The following MYOM1 variants were observed in gnomAD, a reference collection of about 807,000 sequenced individuals.
The protein encoded by MYOM1 is myomesin-1.
Under a neutral mutation model 205.3 loss-of-function variants are expected in MYOM1, and 164 were observed. That is an observed-to-expected ratio of 0.80 (90% CI 0.70 to 0.91). MYOM1 has a LOEUF of 0.91. Ranked by LOEUF, MYOM1 falls within the 40% of genes least tolerant of loss-of-function variation. MYOM1 has a pLI of 0.00. For synonymous variants in MYOM1, 772 were observed against 789.4 expected (o/e 0.98, Z 0.37); for missense variants, 2,011 against 2,127.3 (o/e 0.95, Z 1.08).
At chr18:3,081,246 G>C (rs2079083059) in intron 33 of MYOM1, among the ~76,000 whole-genome samples, 1 of 152,122 alleles carries the variant, frequency 6.6e-6, no homozygotes, top group Non-Finnish European at 1.5e-5. Context: ...CCTTACATCT[G>C]TAATGTGCTT....
chr18:3,208,724 T>C (rs2081156365), intron 2 of MYOM1, among the ~76,000 whole-genome samples: 1 of 152,128 alleles, frequency 6.6e-6, no homozygotes, highest in African/African-American at 2.4e-5. Context: ...TTTTTTCTTA[T>C]ATATAATAAT....
chr18:3,133,027 T>C (rs573801662), intron 16 of MYOM1, among the ~76,000 whole-genome samples: 2 of 152,198 alleles, frequency 1.3e-5, no homozygotes, highest in South Asian at 2.1e-4. Flanking sequence ...CAAAGATTTA[T>C]TGGGGTCTCG....
chr18:3,068,502 C>T (rs1035252777), intron 37 of MYOM1, among the ~76,000 whole-genome samples: 2 of 152,034 alleles, frequency 1.3e-5, no homozygotes, highest in Non-Finnish European at 2.9e-5. Context: ...GAACCCCTTG[C>T]GTTGTCCTTT....
At chr18:3,136,406 T>TAATTA (rs1395815308) in intron 14 of MYOM1, among the ~76,000 whole-genome samples, 2 of 152,106 alleles carry the variant, frequency 1.3e-5, no homozygotes, top group African/African-American at 2.4e-5. Context: ...TTTCTAATTT[T>TAATTA]AATTAAATTA....
At chr18:3,117,763 T>A (rs1441179326) in intron 20 of MYOM1, among the ~76,000 whole-genome samples, 1 of 152,198 alleles carries the variant, frequency 6.6e-6, no homozygotes, top group Non-Finnish European at 1.5e-5. Context: ...ACATACTCTG[T>A]TATGCCATGC....
At chr18:3,113,286 A>G (rs146536595) in intron 21 of MYOM1, among the ~76,000 whole-genome samples, 3,578 of 131,694 alleles carry the variant, frequency 0.027, 161 homozygotes, top group African/African-American at 0.096. Flanking sequence ...ATATGTGTGT[A>G]TGTGTTTGTG....
At chr18:3,167,584 C>T (rs890820669) in intron 9 of MYOM1, among the ~76,000 whole-genome samples, 6 of 152,138 alleles carry the variant, frequency 3.9e-5, no homozygotes, top group Non-Finnish European at 2.9e-5. Context: ...AGGGTTTCAC[C>T]ATGTTGGCCA....
At position 3,103,794 on chromosome 18, in the gene MYOM1, T is replaced by C. The variant is rs983394310; in HGVS notation, c.3419-1164A>G. On this transcript the variant is annotated intron_variant, in intron 22 of 37. Coordinates refer to ENST00000356443, the MANE Select transcript of MYOM1 (RefSeq NM_003803.4). Reference sequence around the variant, plus strand: ...CAAGGGAAGGCCAAGAGGAAACCAGTGCCCAAATTGTGCCTGGCAGGATGA... The same window carrying C: ...CAAGGGAAGGCCAAGAGGAAACCAGCGCCCAAATTGTGCCTGGCAGGATGA... Among the ~76,000 whole-genome samples, 20 of 152,366 alleles carry C rather than the reference T, an allele frequency of 1.3e-4. 1 individual carries two copies. In the Middle Eastern group the frequency reaches 0.01, roughly 78 times the overall value.
rs79313698 is a variant in MYOM1, at chr18:3,179,084, G to T, written c.930-2950C>A. On this transcript the variant is annotated intron_variant, in intron 5 of 37. Transcript: ENST00000356443. The surrounding 1 kb of genome is among the most constrained non-coding windows in gnomAD (Gnocchi z 4.4). ...GGCTCTTGCTATGTTGCCTATGCTG[G>T]TCTTAAACTCCTGGGCTCAAGCAAT... Among the ~76,000 whole-genome samples, 1,861 of 151,990 alleles carry T rather than the reference G, an allele frequency of 0.012. 35 individuals are homozygous for T. Among genetic ancestry groups the T allele is most frequent in the African/African-American group, 0.043 (1,786 of 41,426 alleles).
rs138868717 is a variant in MYOM1 at position 3,191,342 on chromosome 18, C to T, written c.432-2255G>A. 1.3e-4 allele frequency among the ~76,000 whole-genome samples: 20 copies of T among 152,288 alleles called. No individual in the cohort carries two copies. The East Asian group carries it at 3.1e-3, about 23-fold the overall frequency. Reference sequence around the variant, plus strand: ...GTGCAGAGGGCATGTCCACTGCATTCGCCAGGCCTACGTGGGACTTTCAAT... The same window carrying T: ...GTGCAGAGGGCATGTCCACTGCATTTGCCAGGCCTACGTGGGACTTTCAAT... On this transcript the variant is annotated intron_variant, in intron 3 of 37. Coordinates refer to ENST00000356443, the MANE Select transcript of MYOM1 (RefSeq NM_003803.4).
At chr18:3,131,337 C>T (rs760019029) in intron 17 of MYOM1, 38 bp downstream of exon 17, 1 of 1,605,460 alleles carries the variant, frequency 6.2e-7, no homozygotes, top group South Asian at 1.1e-5. Context: ...ATAGAAAAAT[C>T]CATTTTTCCC....
chr18:3,129,509 C>T lies in MYOM1; in HGVS notation c.2517G>A (p.Val839=). ...TCAGTGCGGGACACACATCTGGAGACACTCCTCCCCCTACAGTTGCCAGAC... is the reference window on the plus strand; with the variant it reads ...TCAGTGCGGGACACACATCTGGAGATACTCCTCCCCCTACAGTTGCCAGAC... ...IEVKAAIGGG[V]SPDVCPALSD... is the part of the protein sequence containing the mutation. The change falls in exon 18 of 38, where the codon GTG becomes GTA. Residue 839 remains valine (V), a synonymous_variant. Coordinates refer to ENST00000356443, the MANE Select transcript of MYOM1 (RefSeq NM_003803.4). The T allele has an allele frequency of 6.2e-7, 1 of 1,609,290 alleles. No individual in the cohort carries two copies. Among genetic ancestry groups the T allele is most frequent in the Non-Finnish European group, 8.5e-7 (1 of 1,176,934 alleles).
chr18:3,095,505 T>C (rs1404302287), intron 25 of MYOM1, among the ~76,000 whole-genome samples: 3 of 152,012 alleles, frequency 2.0e-5, no homozygotes, highest in Non-Finnish European at 2.9e-5. Context: ...GAGGCGGAGG[T>C]TGCAGTGAGC....
At chr18:3,103,372 T>TA (rs1023407198) in intron 22 of MYOM1, among the ~76,000 whole-genome samples, 3 of 152,100 alleles carry the variant, frequency 2.0e-5, no homozygotes, top group African/African-American at 4.8e-5. Flanking sequence ...GTTTTTGGAT[T>TA]AAAAAAAATT....
At position 3,067,312 on chromosome 18, in the gene MYOM1, C is replaced by A. The variant is rs1038676536; in HGVS notation, c.5008G>T (p.Ala1670Ser). 2 of 1,611,396 alleles carry A rather than the reference C, an allele frequency of 1.2e-6. No individual in the cohort carries two copies. Among genetic ancestry groups the A allele is most frequent in the Admixed American group, 1.7e-5 (1 of 59,946 alleles). The change falls in exon 38 of 38, where the codon GCG becomes TCG. Residue 1670 changes from alanine (A) to serine (S), a missense_variant. Transcript: ENST00000356443. Reference protein sequence around the residue: ...TVSVFIPEEEARMAALESLKG... With the variant: ...TVSVFIPEEESRMAALESLKG... ...AGGGACTCCAAGGCGGCCATCCTCG[C>A]CTCCTCCTCTGGGATGAACACGCTG...
In MYOM1 at chr18:3,067,410, C is replaced by T; in HGVS notation, c.4910G>A (p.Ser1637Asn). ...RTAYFTINGV[S>N]TADSGKYGLV... ...CCCGTATTTGCCCGAGTCAGCGGTG[C>T]TCACGCCGTTGATGGTGAAGTACGC... Residue 1637 changes from serine (S) to asparagine (N), a missense_variant, in exon 38 of 38, where the codon AGC becomes AAC. Coordinates refer to ENST00000356443, the MANE Select transcript of MYOM1 (RefSeq NM_003803.4). The T allele has an allele frequency of 6.2e-7, 1 of 1,613,502 alleles. No individual in the cohort carries two copies. The highest frequency in any genetic ancestry group is 1.1e-5 in the South Asian group (1 of 91,058).
At chr18:3,112,244 A>T (rs2079537571) in intron 22 of MYOM1, 54 bp downstream of exon 22, 6 of 1,457,752 alleles carry the variant, frequency 4.1e-6, no homozygotes, top group Non-Finnish European at 9.5e-7. Flanking sequence ...GCCGAACCTT[A>T]GTTCAGTATC....
intron 10 of MYOM1, 70 bp from the exon 11 acceptor site, chr18:3,155,158 C>T: frequency 1.4e-6 from 2 of 1,468,572 alleles, no homozygotes; most frequent in Non-Finnish European, 1.8e-6. Context: ...GGTCTCAGCG[C>T]ACACGCTTCT....
chr18:3,169,995 C>T lies in MYOM1; in HGVS notation c.1175-1014G>A, dbSNP rs918314521. On this transcript the variant is annotated intron_variant, in intron 8 of 37. Transcript: ENST00000356443. ...AAGATTGAAATCCTGTCATTTGCAA[C>T]AACATAGATGGAACTAGAGGACATT... Among the ~76,000 whole-genome samples the T allele has an allele frequency of 5.6e-4, 85 of 152,212 alleles. 1 individual carries two copies. Among genetic ancestry groups the T allele is most frequent in the Non-Finnish European group, 1.5e-4 (10 of 68,006 alleles).
Sources: gnomAD v4.1 joint callset for allele counts (sites outside exome capture counted in the v4.1 genomes callset) on GRCh38, gnomAD v4.1.1 for gene constraint, Gnocchi (gnomAD v3.1) non-coding constraint, MANE v1.5 for transcripts, NCBI Gene and HGNC (gene_info 2026-07-23, HGNC 2026-07-21) for gene names.